ELMO1: variants seen among roughly 807,000 people sequenced by gnomAD.
ELMO1 encodes the protein engulfment and cell motility protein 1.
ELMO1 carries 26 observed loss-of-function variants against 98.9 expected under a neutral mutation model. The observed-to-expected ratio is 0.26, with a 90% CI of 0.19 to 0.36. The LOEUF (loss-of-function observed/expected upper bound fraction) is 0.36. Ranked by LOEUF, ELMO1 falls within the 10% of genes least tolerant of loss-of-function variation. The pLI, the probability that ELMO1 is intolerant of heterozygous loss-of-function variation, is 1.00. For synonymous variants in ELMO1, 346 were observed against 346.0 expected, an observed-to-expected ratio of 1.00 and a Z score of 0.00; for missense variants, 627 against 935.2, an observed-to-expected ratio of 0.67 and a Z score of 4.30.
intron 1 of ELMO1, among the ~76,000 whole-genome samples, chr7:37,444,720 T>G (rs1455784309): frequency 6.6e-6 from 1 of 152,186 alleles, no homozygotes; most frequent in Non-Finnish European, 1.5e-5. Flanking sequence ...TTCACCGCCT[T>G]AGCCAGGATG....
At chr7:37,083,445 T>TA (rs1235778548) in intron 15 of ELMO1, among the ~76,000 whole-genome samples, 2 of 152,134 alleles carry the variant, frequency 1.3e-5, no homozygotes, top group East Asian at 1.9e-4. Context: ...GATTTCCATT[T>TA]AAAAAAATGC....
intron 11 of ELMO1, among the ~76,000 whole-genome samples, chr7:37,214,912 T>A (rs1438791756): frequency 6.6e-6 from 1 of 152,204 alleles, no homozygotes; most frequent in East Asian, 1.9e-4. Flanking sequence ...ACACAGTCAT[T>A]AATGCCACTC....
In ELMO1 at chr7:36,857,653, T is replaced by C. The variant is rs146428165; in HGVS notation, c.1984-1902A>G. 1.7e-3 allele frequency among the ~76,000 whole-genome samples: 254 copies of C among 152,302 alleles called. 2 individuals are homozygous for C. Among genetic ancestry groups the C allele is most frequent in the African/African-American group, 4.5e-3 (189 of 41,560 alleles). On this transcript the variant is annotated intron_variant, in intron 21 of 21. Transcript: ENST00000310758. ...AAACCCTGTAGTACTGATACTGAAT[T>C]TGAGTTGGAACTATCAGTATCAATT... is the stretch of plus-strand genomic sequence containing the variant.
intron 16 of ELMO1, among the ~76,000 whole-genome samples, chr7:36,921,337 T>C (rs546467986): frequency 6.6e-6 from 1 of 152,316 alleles, no homozygotes; most frequent in African/African-American, 2.4e-5. Context: ...TGCCACTTAC[T>C]AGCTAGCTGA....
chr7:36,882,121 CTTTGT>C (rs1408977039), intron 18 of ELMO1, among the ~76,000 whole-genome samples: 2 of 152,218 alleles, frequency 1.3e-5, no homozygotes, highest in Non-Finnish European at 2.9e-5. Context: ...CAGGACACAT[CTTTGT>C]TTTGAGTGCA....
At chr7:37,210,090 T>G (rs1792868155) in intron 13 of ELMO1, among the ~76,000 whole-genome samples, 1 of 151,204 alleles carries the variant, frequency 6.6e-6, no homozygotes. Context: ...CTGGAGAGAG[T>G]TAAAAAAAAA....
chr7:37,018,603 A>G (rs964957430), intron 15 of ELMO1, among the ~76,000 whole-genome samples: 4 of 151,854 alleles, frequency 2.6e-5, no homozygotes. Context: ...CAGCCTCCCA[A>G]ATAGCTGGGA....
chr7:36,913,465 G>C (rs1159793412), intron 16 of ELMO1, among the ~76,000 whole-genome samples: 1 of 152,220 alleles, frequency 6.6e-6, no homozygotes, highest in East Asian at 1.9e-4. Context: ...AAAGTGAGTT[G>C]AGTTCTGCAC....
intron 16 of ELMO1, among the ~76,000 whole-genome samples, chr7:36,922,962 CACACCACTGGTCTCTAGGGATCTCA>C (rs1374406619): frequency 6.6e-6 from 1 of 152,142 alleles, no homozygotes; most frequent in African/African-American, 2.4e-5. Flanking sequence ...GGAGGATGGG[CACACCACTGGTCTCTAGGGATCTCA>C]CTGTCACAGC....
chr7:37,187,917 C>A (rs1225233823), intron 13 of ELMO1, among the ~76,000 whole-genome samples: 5 of 152,082 alleles, frequency 3.3e-5, no homozygotes, highest in African/African-American at 1.2e-4. Flanking sequence ...AATTTCTATC[C>A]CAGCCCAAAC....
intron 13 of ELMO1, among the ~76,000 whole-genome samples, chr7:37,162,428 T>A (rs1160951323): frequency 6.6e-6 from 1 of 152,174 alleles, no homozygotes; most frequent in Non-Finnish European, 1.5e-5. Context: ...CATTTGCTAA[T>A]CACATCCGAG....
chr7:37,059,677 C>T (rs1796567916), intron 15 of ELMO1, among the ~76,000 whole-genome samples: 1 of 152,178 alleles, frequency 6.6e-6, no homozygotes, highest in Non-Finnish European at 1.5e-5. Context: ...AGGCCCCAGA[C>T]AGTACAGCTG....
At chr7:37,206,460 C>A (rs904377523) in intron 13 of ELMO1, among the ~76,000 whole-genome samples, 1 of 152,176 alleles carries the variant, frequency 6.6e-6, no homozygotes, top group Non-Finnish European at 1.5e-5. Flanking sequence ...ACGCTTCCTT[C>A]CGTAGTATTA....
chr7:37,400,388 T>A (rs1479018712), intron 1 of ELMO1, among the ~76,000 whole-genome samples: 1 of 152,148 alleles, frequency 6.6e-6, no homozygotes, highest in Non-Finnish European at 1.5e-5. Context: ...AAAAAAAAAG[T>A]CAGCTTCACC....
intron 20 of ELMO1, among the ~76,000 whole-genome samples, chr7:36,866,361 C>T (rs750377946): frequency 1.6e-4 from 24 of 152,302 alleles, no homozygotes; most frequent in Non-Finnish European, 2.9e-4. Flanking sequence ...AATGTGCCTG[C>T]TGCACTGAAC....
chr7:37,136,635 G>A (rs991345891), intron 13 of ELMO1, among the ~76,000 whole-genome samples: 1 of 152,058 alleles, frequency 6.6e-6, no homozygotes, highest in Non-Finnish European at 1.5e-5. Context: ...AGCTTCATAA[G>A]TGAAGGAAAG....
chr7:36,986,992 G>A (rs150709556), intron 16 of ELMO1, among the ~76,000 whole-genome samples: 291 of 152,268 alleles, frequency 1.9e-3, no homozygotes, highest in African/African-American at 5.8e-3. Context: ...TGAGAGCTCC[G>A]CAAATAAAAG....
chr7:37,168,101 A>G (rs4520067), intron 13 of ELMO1, among the ~76,000 whole-genome samples: 123,825 of 146,924 alleles, frequency 0.84, 52,503 homozygotes, highest in Non-Finnish European at 0.9. Flanking sequence ...ATCTTCCATC[A>G]CTGATATCCT....
intron 13 of ELMO1, among the ~76,000 whole-genome samples, chr7:37,134,017 T>C (rs1293520910): frequency 1.3e-5 from 2 of 152,154 alleles, no homozygotes; most frequent in African/African-American, 2.4e-5. Context: ...TATGGAAGAA[T>C]GCTCAACGTC....
Sources: gnomAD v4.1 joint callset for allele counts (sites outside exome capture counted in the v4.1 genomes callset) on GRCh38, gnomAD v4.1.1 for gene constraint, MANE v1.5 for transcripts, NCBI Gene and HGNC (gene_info 2026-07-23, HGNC 2026-07-21) for gene names.